The following HMCN1 variants were observed in gnomAD, a reference collection of about 807,000 sequenced individuals.
The protein encoded by HMCN1 is hemicentin-1.
A neutral mutation model predicts 625.9 loss-of-function variants in HMCN1; 321 were observed. The observed-to-expected ratio is 0.51, with a 90% CI of 0.47 to 0.56. HMCN1 has a LOEUF of 0.56. HMCN1 is among the 20% of genes least tolerant of loss of function. The pLI, the probability that HMCN1 is intolerant of heterozygous loss-of-function variation, is 0.00. For synonymous variants in HMCN1, 2,425 were observed against 2,417.6 expected (o/e 1.00, Z -0.09); for missense variants, 6,588 against 6,887.3 (o/e 0.96, Z 1.54).
At chr1:185,931,018 A>G (rs541611218) in intron 10 of HMCN1, among the ~76,000 whole-genome samples, 1 of 152,152 alleles carries the variant, frequency 6.6e-6, no homozygotes, top group African/African-American at 2.4e-5. Context: ...GTGACAGGAA[A>G]CCTTAAATTA....
At chr1:186,028,087 A>C (rs189637227) in intron 36 of HMCN1, among the ~76,000 whole-genome samples, 4 of 152,152 alleles carry the variant, frequency 2.6e-5, no homozygotes, top group Non-Finnish European at 4.4e-5. Flanking sequence ...AACTCACAAA[A>C]ATTACATTTA....
At position 186,076,594 on chromosome 1, in the gene HMCN1, C is replaced by T; in HGVS notation, c.8457C>T (p.Thr2819=). 6.2e-7 allele frequency: 1 copy of T among 1,613,700 alleles called. No homozygotes were observed. The highest frequency in any genetic ancestry group is 8.5e-7 in the Non-Finnish European group (1 of 1,179,788). Residue 2819 remains threonine (T), a synonymous_variant, in exon 54 of 107, where the codon ACC becomes ACT. Transcript: ENST00000271588. ...GGTACAAAGATGGCCACCCTCTGAC[C>T]TCAAGTGATAAAGTATTGATTTTGC... is the stretch of plus-strand genomic sequence containing the variant. The part of the protein sequence containing the change: ...LTWYKDGHPL[T]SSDKVLILPG...
At chr1:186,044,809 C>T (rs1482228587) in intron 40 of HMCN1, among the ~76,000 whole-genome samples, 1 of 152,050 alleles carries the variant, frequency 6.6e-6, no homozygotes, top group African/African-American at 2.4e-5. Flanking sequence ...TACATACAGG[C>T]CTGAAAGAGT....
In HMCN1 at chr1:186,018,278, A is replaced by G; in HGVS notation, c.5396A>G (p.Asn1799Ser). 2 of 1,613,086 alleles carry G rather than the reference A, an allele frequency of 1.2e-6. No individual in the cohort carries two copies. The highest frequency in any genetic ancestry group is 2.2e-5 in the South Asian group (2 of 91,058). ...KLVIAQAQVS[N>S]TGLYRCMAAN... Reference sequence around the variant, plus strand: ...GTTATTGCTCAGGCTCAAGTGTCAAACACAGGCCTTTATCGGTGCATGGCA... The same window carrying G: ...GTTATTGCTCAGGCTCAAGTGTCAAGCACAGGCCTTTATCGGTGCATGGCA... The change falls in exon 34 of 107, where the codon AAC becomes AGC. Residue 1799 changes from asparagine to serine, a missense_variant. Coordinates refer to ENST00000271588, the MANE Select transcript of HMCN1 (RefSeq NM_031935.3).
At chr1:186,160,629 T>C (rs35594835) in intron 97 of HMCN1, among the ~76,000 whole-genome samples, 13,602 of 151,670 alleles carry the variant, frequency 0.09, 1,659 homozygotes, top group African/African-American at 0.28. Context: ...TGTCTTTGTT[T>C]TCGTTGGTTT....
intron 18 of HMCN1, 46 bp downstream of exon 18, chr1:185,982,435 T>G (rs72718873): frequency 0.019 from 29,393 of 1,560,142 alleles, 377 homozygotes; most frequent in Non-Finnish European, 0.023. Context: ...TTGTGAGTTT[T>G]CTTTTCTTTT....
chr1:186,136,624 T>C (rs1649621269), intron 86 of HMCN1, 44 bp from the exon 87 acceptor site: 1 of 1,596,650 alleles, frequency 6.3e-7, no homozygotes, highest in Non-Finnish European at 8.6e-7. Flanking sequence ...AAAAAAATGC[T>C]GTAACTCCAC....
intron 21 of HMCN1, 149 bp from the exon 22 acceptor site, chr1:185,990,126 A>G: frequency 1.3e-6 from 1 of 786,240 alleles, no homozygotes; most frequent in South Asian, 1.5e-5. Flanking sequence ...CTCACAATAA[A>G]TGTATTAATG....
chr1:186,011,495 T>C (rs1013282230), intron 30 of HMCN1, among the ~76,000 whole-genome samples: 1 of 152,250 alleles, frequency 6.6e-6, no homozygotes, highest in Non-Finnish European at 1.5e-5. Context: ...AATGTTGTTA[T>C]ATTATTCTCT....
intron 1 of HMCN1, among the ~76,000 whole-genome samples, chr1:185,779,131 G>T (rs1486408325): frequency 6.6e-6 from 1 of 152,190 alleles, no homozygotes; most frequent in African/African-American, 2.4e-5. Flanking sequence ...TCTGTTGGTT[G>T]CATAAATGTC....
chr1:185,881,693 A>G (rs1189548487), intron 4 of HMCN1, among the ~76,000 whole-genome samples: 2 of 152,164 alleles, frequency 1.3e-5, no homozygotes, highest in Non-Finnish European at 2.9e-5. Context: ...CATCATTTTT[A>G]TTAGAAATGT....
intron 25 of HMCN1, 127 bp from the exon 26 acceptor site, chr1:185,999,917 AG>A: frequency 1.6e-6 from 1 of 641,894 alleles, no homozygotes. Flanking sequence ...AATATCTTGA[AG>A]GTAGCATAGG....
intron 89 of HMCN1, among the ~76,000 whole-genome samples, chr1:186,138,897 C>A (rs1425061654): frequency 6.6e-6 from 1 of 152,148 alleles, no homozygotes; most frequent in Non-Finnish European, 1.5e-5. Flanking sequence ...TTCATTTATT[C>A]ATTCATTCAT....
At chr1:186,158,394 T>G (rs1365339414) in intron 97 of HMCN1, among the ~76,000 whole-genome samples, 3 of 152,186 alleles carry the variant, frequency 2.0e-5, no homozygotes, top group African/African-American at 7.2e-5. Flanking sequence ...GGTTGCCTGT[T>G]CACTCATGGT....
chr1:185,939,794 A>T (rs957232688), intron 11 of HMCN1, among the ~76,000 whole-genome samples: 2 of 152,160 alleles, frequency 1.3e-5, no homozygotes, highest in African/African-American at 2.4e-5. Context: ...AGACAGTTTA[A>T]AAATAAGAAA....
At chr1:185,997,265 G>A (rs970016461) in intron 24 of HMCN1, among the ~76,000 whole-genome samples, 164 bp from the exon 25 acceptor site, 1 of 152,062 alleles carries the variant, frequency 6.6e-6, no homozygotes, top group African/African-American at 2.4e-5. Context: ...TAAGGCACTG[G>A]GTGACGTCTA....
At chr1:186,127,653 T>G (rs1661712630) in intron 82 of HMCN1, among the ~76,000 whole-genome samples, 1 of 152,124 alleles carries the variant, frequency 6.6e-6, no homozygotes, top group African/African-American at 2.4e-5. Flanking sequence ...GGCCTCAGAA[T>G]TCTAGGTAAT....
At chr1:186,059,030 G>T (rs1157913569) in intron 46 of HMCN1, among the ~76,000 whole-genome samples, 1 of 151,958 alleles carries the variant, frequency 6.6e-6, no homozygotes, top group Non-Finnish European at 1.5e-5. Context: ...TTGCCTCAGG[G>T]TTTTTGTAAG....
In HMCN1 at chr1:186,016,987, A is replaced by G. The variant is rs1427194558; in HGVS notation, c.5216A>G (p.Asp1739Gly). The change falls in exon 33 of 107, where the codon GAT becomes GGT. Residue 1739 changes from aspartate to glycine, a missense_variant. Physicochemically the swap from Asp to Gly is moderately conservative, Grantham distance 94. Around this residue, in one of 3 missense-constraint regions of HMCN1, gnomAD observed 4,628 missense variants for 4,853.1 expected, o/e 0.95. Transcript: ENST00000271588. ...VLVPPAIEGG[D>G]ETSYFIVMVN... ...GTGCCACCAGCTATAGAAGGAGGAG[A>G]TGAAACATCTTACTTCATTGTGATG... 1 of 1,606,082 alleles carries G rather than the reference A, an allele frequency of 6.2e-7. No homozygotes were observed. The highest frequency in any genetic ancestry group is 8.5e-7 in the Non-Finnish European group (1 of 1,173,052).
Sources: gnomAD v4.1 joint callset for allele counts (sites outside exome capture counted in the v4.1 genomes callset) on GRCh38, gnomAD v4.1.1 for gene constraint, gnomAD v4.1.1 regional missense constraint, MANE v1.5 for transcripts, NCBI Gene and HGNC (gene_info 2026-07-23, HGNC 2026-07-21) for gene names.